The following BEND5 variants were observed in gnomAD, a reference collection of about 807,000 sequenced individuals.
BEND5 encodes BEN domain containing 5.
Under a neutral mutation model 43.9 loss-of-function variants are expected in BEND5, and 22 were observed. That is an observed-to-expected ratio of 0.50 (90% confidence interval 0.36 to 0.72). The LOEUF (loss-of-function observed/expected upper bound fraction) is 0.72. Among genes scored for constraint, BEND5 ranks in the 30% least tolerant of loss-of-function variants. The probability of loss-of-function intolerance (pLI) is 0.00; values close to 1 mark genes in which losing one functional copy is unlikely to be tolerated. For missense variants in BEND5, 428 were observed against 550.6 expected (o/e 0.78, Z 2.23); for synonymous variants, 228 against 225.9 (o/e 1.01, Z -0.08).
intron 5 of BEND5, among the ~76,000 whole-genome samples, chr1:48,732,845 A>G (rs1648366245): frequency 6.6e-6 from 1 of 152,190 alleles, no homozygotes; most frequent in Non-Finnish European, 1.5e-5. Flanking sequence ...CAGCGAGAAG[A>G]TGGCTGGACA....
intron 4 of BEND5, among the ~76,000 whole-genome samples, chr1:48,740,924 A>G (rs1649817985): frequency 6.6e-6 from 1 of 152,244 alleles, no homozygotes; most frequent in Admixed American, 6.5e-5. Context: ...AAACCAGGTT[A>G]GTCTTATAGC....
At chr1:48,769,729 A>G (rs1384412611) in intron 1 of BEND5, among the ~76,000 whole-genome samples, 1 of 152,150 alleles carries the variant, frequency 6.6e-6, no homozygotes, top group Non-Finnish European at 1.5e-5. Flanking sequence ...TTTAATGAGA[A>G]CCTACTATAT....
rs942599703 is a variant in BEND5 at position 48,759,406 on chromosome 1, A to T, written c.361-122T>A. On this transcript the variant is annotated intron_variant, in intron 2 of 5. Coordinates refer to ENST00000371833, the MANE Select transcript of BEND5 (RefSeq NM_024603.4). Reference sequence around the variant, plus strand: ...TCACAGAACATCAGTGCTTGGAGAAACCTGTGCAAACACTTAGTCAAAGCC... The same window carrying T: ...TCACAGAACATCAGTGCTTGGAGAATCCTGTGCAAACACTTAGTCAAAGCC... The T allele has an allele frequency of 5.7e-5, 81 of 1,408,966 alleles. 1 individual carries two copies. The South Asian group carries it at 1.0e-3, about 17-fold the overall frequency. The allele number at this position is 1,408,966 out of a possible 1,614,324, so 87.3% of individuals were successfully genotyped here.
chr1:48,736,152 T>C lies in BEND5; in HGVS notation c.1108+87A>G, dbSNP rs1280813036. ...GTCTGGCATGCAGAAGCTTCATAAG[T>C]AATCGTTGAATTGAATTGTGCCTAA... On this transcript the variant is annotated intron_variant, in intron 5 of 5. Coordinates refer to ENST00000371833, the MANE Select transcript of BEND5 (RefSeq NM_024603.4). This position sits in a 1 kb window ranked among gnomAD's most constrained non-coding sequence, Gnocchi z 4.0. The C allele has an allele frequency of 1.4e-6, 2 of 1,441,166 alleles. No homozygotes were observed. The highest frequency in any genetic ancestry group is 1.9e-6 in the Non-Finnish European group (2 of 1,029,534). 89.3% of individuals were successfully genotyped at this position (1,441,166 alleles called of 1,614,324 possible). A position where few individuals can be genotyped will look rare whatever the true frequency, so the allele number is the denominator to read the frequency against.
At chr1:48,743,246 A>G (rs928021333) in intron 3 of BEND5, among the ~76,000 whole-genome samples, 1 of 152,186 alleles carries the variant, frequency 6.6e-6, no homozygotes, top group African/African-American at 2.4e-5. Flanking sequence ...CCCAAGACCT[A>G]GTATCTAGAC....
intron 4 of BEND5, among the ~76,000 whole-genome samples, chr1:48,741,747 G>A (rs1649941778): frequency 6.6e-6 from 1 of 152,210 alleles, no homozygotes; most frequent in Admixed American, 6.5e-5. Flanking sequence ...TTTGAAGCAT[G>A]AGGCAAGAAA....
chr1:48,742,854 A>T, intron 3 of BEND5, 83 bp from the exon 4 acceptor site: 1 of 1,345,714 alleles, frequency 7.4e-7, no homozygotes, highest in Non-Finnish European at 9.8e-7. Flanking sequence ...CTATCAGCAC[A>T]CCATGGCACA....
chr1:48,767,428 G>C lies in BEND5; in HGVS notation c.227-5958C>G, dbSNP rs71647718. On this transcript the variant is annotated intron_variant, in intron 1 of 5. Transcript: ENST00000371833. Reference sequence around the variant, plus strand: ...ACTGCAGGTATCTGACACAGACTGAGACATGATGAAAGAGATGTTTTAGGA... The same window carrying C: ...ACTGCAGGTATCTGACACAGACTGACACATGATGAAAGAGATGTTTTAGGA... 2.6e-3 allele frequency among the ~76,000 whole-genome samples: 401 copies of C among 152,302 alleles called. 2 individuals carry two copies. The highest frequency in any genetic ancestry group is 0.01 in the Middle Eastern group (3 of 294).
intron 5 of BEND5, among the ~76,000 whole-genome samples, chr1:48,733,081 C>T (rs1177102750): frequency 1.3e-5 from 2 of 152,162 alleles, no homozygotes; most frequent in East Asian, 3.9e-4. Context: ...AAGGCATTAC[C>T]AGGGAACACA....
chr1:48,757,847 A>T (rs539789164), intron 3 of BEND5, among the ~76,000 whole-genome samples: 1 of 152,320 alleles, frequency 6.6e-6, no homozygotes, highest in South Asian at 2.1e-4. Flanking sequence ...ACCTTCTTCA[A>T]GCAAAGCACA....
At chr1:48,761,515 G>A (rs1420294023) in intron 1 of BEND5, 45 bp from the exon 2 acceptor site, 3 of 1,524,272 alleles carry the variant, frequency 2.0e-6, no homozygotes, top group Non-Finnish European at 2.6e-6. Context: ...GAGTTAAAAT[G>A]AGTCATTATG....
At chr1:48,728,373 C>CA (rs1041293412) in intron 5 of BEND5, among the ~76,000 whole-genome samples, 22 of 145,432 alleles carry the variant, frequency 1.5e-4, no homozygotes, top group Non-Finnish European at 3.0e-5. Context: ...GAACTTTTGC[C>CA]TTTTTTTTTT....
chr1:48,742,593 AG>A (rs767956340), intron 4 of BEND5, 29 bp downstream of exon 4: 17 of 1,492,924 alleles, frequency 1.1e-5, no homozygotes, highest in Non-Finnish European at 1.5e-5. Flanking sequence ...AAACACTTGC[AG>A]GGAATGGATA....
At chr1:48,768,287 A>G (rs1016379436) in intron 1 of BEND5, among the ~76,000 whole-genome samples, 2 of 152,196 alleles carry the variant, frequency 1.3e-5, no homozygotes, top group Non-Finnish European at 2.9e-5. Context: ...TAAACACTAT[A>G]TAAATATGAC....
intron 5 of BEND5, among the ~76,000 whole-genome samples, chr1:48,732,202 G>A (rs1648249169): frequency 6.6e-6 from 1 of 152,120 alleles, no homozygotes; most frequent in African/African-American, 2.4e-5. Context: ...ACATAGAAGA[G>A]GCAAAGGCTT....
chr1:48,754,905 G>C (rs1293348599), intron 3 of BEND5, among the ~76,000 whole-genome samples: 1 of 152,164 alleles, frequency 6.6e-6, no homozygotes, highest in Non-Finnish European at 1.5e-5. Context: ...GGGGTCAGAA[G>C]ACCCTTAGGA....
At position 48,727,640 on chromosome 1, in the gene BEND5, CCCCT is replaced by C. The variant is rs1647380802; in HGVS notation, c.*242_*245del. 3 of 291,492 alleles carry C rather than the reference CCCCT, an allele frequency of 1.0e-5. No homozygotes were observed. The East Asian group carries it at 1.8e-4, about 17-fold the overall frequency. 18.1% of individuals were successfully genotyped at this position (291,492 alleles called of 1,614,324 possible). A position where few individuals can be genotyped will look rare whatever the true frequency, so the allele number is the denominator to read the frequency against. On this transcript the variant is annotated 3_prime_UTR_variant, in exon 6 of 6. Coordinates refer to ENST00000371833, the MANE Select transcript of BEND5 (RefSeq NM_024603.4). ...GACAGGCAACTCAGGCAACCTTATC[CCCCT>C]CCAAGAAGAGTGTTTTCCCCATTCC... is the stretch of plus-strand genomic sequence containing the variant.
At chr1:48,773,591 T>C (rs1029846068) in intron 1 of BEND5, among the ~76,000 whole-genome samples, 2 of 152,194 alleles carry the variant, frequency 1.3e-5, no homozygotes, top group African/African-American at 4.8e-5. Context: ...GCTTGAAAAC[T>C]TGCCTTGAGC....
chr1:48,759,511 T>C, intron 2 of BEND5: 1 of 869,058 alleles, frequency 1.2e-6, no homozygotes, highest in Non-Finnish European at 1.7e-6. Flanking sequence ...CCCAAAGTCA[T>C]AACCAGGACA....
Sources: gnomAD v4.1 joint callset for allele counts (sites outside exome capture counted in the v4.1 genomes callset) on GRCh38, gnomAD v4.1.1 for gene constraint, Gnocchi (gnomAD v3.1) non-coding constraint, MANE v1.5 for transcripts, NCBI Gene and HGNC (gene_info 2026-07-23, HGNC 2026-07-21) for gene names.